Variants in ATP8B3 observed in about 807,000 individuals in gnomAD.
ATP8B3 encodes phospholipid-transporting ATPase IK.
ATP8B3 carries 141 observed loss-of-function variants against 140.9 expected under a neutral mutation model. The observed-to-expected ratio is 1.00, with a 90% confidence interval of 0.87 to 1.15. The LOEUF (loss-of-function observed/expected upper bound fraction) is 1.15. Among genes scored for constraint, ATP8B3 ranks in the 50% most tolerant of loss-of-function variants. ATP8B3 has a pLI of 0.00. For synonymous variants in ATP8B3, 765 were observed against 714.6 expected, an observed-to-expected ratio of 1.07 and a Z score of -1.13; for missense variants, 1,874 against 1,740.6, an observed-to-expected ratio of 1.08 and a Z score of -1.36.
At chr19:1,801,005 T>G (rs529672491) in intron 12 of ATP8B3, among the ~76,000 whole-genome samples, 69 of 151,276 alleles carry the variant, frequency 4.6e-4, no homozygotes, top group Non-Finnish European at 9.1e-4. Flanking sequence ...ATTTTTTGTA[T>G]TTTTAGTAGA....
Position 1,800,473 on chromosome 19 carries a change from G to T in ATP8B3, c.1153-24C>A. On this transcript the variant is annotated intron_variant, in intron 12 of 28. Transcript: ENST00000310127. The surrounding 1 kb of genome is among the most constrained non-coding windows in gnomAD (Gnocchi z 4.4). ...ATCTGGAAGGCAGACGCGACAGGGT[G>T]GGTGAGGGGGGCGGGGGTCCCCCAC... 2 of 1,580,794 alleles carry T rather than the reference G, an allele frequency of 1.3e-6. No individual in the cohort carries two copies. Among genetic ancestry groups the T allele is most frequent in the South Asian group, 1.1e-5 (1 of 90,418 alleles).
rs576450344 is a variant in ATP8B3 at position 1,806,227 on chromosome 19, G to A, written c.678-58C>T. On this transcript the variant is annotated intron_variant, in intron 7 of 28. Transcript: ENST00000310127. This position sits in a 1 kb window ranked among gnomAD's most constrained non-coding sequence, Gnocchi z 5.6. Reference sequence around the variant, plus strand: ...TCCCTCTGCCAACCCTCCCCACACCGGGAGACCAGAGGCACGGGATGACGG... The same window carrying A: ...TCCCTCTGCCAACCCTCCCCACACCAGGAGACCAGAGGCACGGGATGACGG... 5.9e-4 allele frequency: 918 copies of A among 1,547,300 alleles called. No individual in the cohort carries two copies. Among genetic ancestry groups the A allele is most frequent in the African/African-American group, 1.9e-3 (141 of 73,028 alleles).
Position 1,789,942 on chromosome 19 carries a change from C to T in ATP8B3, c.2426G>A (p.Arg809Lys). Residue 809 changes from arginine (R) to lysine (K), a missense_variant, in exon 22 of 29, where the codon AGG (arginine) becomes AAG (lysine). Around this residue, in one of 3 missense-constraint regions of ATP8B3, gnomAD observed 840 missense variants for 760.9 expected, o/e 1.10. Transcript: ENST00000310127. The part of the protein sequence containing the change: ...YWENSNNLLT[R>K]ESLSQVKLAL... ...CAGCTTGACCTGCGACAGGGACTCC[C>T]TGGTTAGAAGGTTGTTACTGTTTTC... 2 of 1,612,202 alleles carry T rather than the reference C, an allele frequency of 1.2e-6. No homozygotes were observed. Among genetic ancestry groups the T allele is most frequent in the African/African-American group, 1.3e-5 (1 of 74,984 alleles).
At chr19:1,795,317 C>T (rs573991075) in intron 18 of ATP8B3, among the ~76,000 whole-genome samples, 3 of 151,440 alleles carry the variant, frequency 2.0e-5, no homozygotes, top group East Asian at 3.9e-4. Flanking sequence ...TTTGGGAGGC[C>T]AAGGGGGCAG....
At chr19:1,810,736 C>T in intron 2 of ATP8B3, 53 bp from the exon 3 acceptor site, 1 of 1,549,886 alleles carries the variant, frequency 6.5e-7, no homozygotes, top group Non-Finnish European at 8.8e-7. Flanking sequence ...CCTTGCTGGG[C>T]ACCACTCGGT....
Position 1,806,296 on chromosome 19 carries a change from C to T in ATP8B3, c.678-127G>A. 1 of 1,490,854 alleles carries T rather than the reference C, an allele frequency of 6.7e-7. No homozygotes were observed. Among genetic ancestry groups the T allele is most frequent in the South Asian group, 1.3e-5 (1 of 76,062 alleles). 92.4% of individuals were successfully genotyped at this position (1,490,854 alleles called of 1,614,324 possible). The stretch of plus-strand genomic sequence containing the variant: ...CCCCACCTCCGGGCCTTTGCCCCCT[C>T]AGGAAGCCTTCCCCGGGCTCCCACC... On this transcript the variant is annotated intron_variant, in intron 7 of 28. Transcript: ENST00000310127. This position sits in a 1 kb window ranked among gnomAD's most constrained non-coding sequence, Gnocchi z 5.6.
chr19:1,811,384 C>T, intron 2 of ATP8B3, 105 bp downstream of exon 2: 1 of 1,462,996 alleles, frequency 6.8e-7, no homozygotes, highest in Non-Finnish European at 9.1e-7. Context: ...GGCAAACCAC[C>T]CCTAGACGCC....
rs2068969133 is a variant in ATP8B3 at position 1,805,072 on chromosome 19, C to G, written c.904+302G>C. ...TCACTGCAGCCTCAGCCTCCCTGAG[C>G]TCAAGCGAGCCTCCCACCTCAGCCT... On this transcript the variant is annotated intron_variant, in intron 10 of 28. Transcript: ENST00000310127. This position sits in a 1 kb window ranked among gnomAD's most constrained non-coding sequence, Gnocchi z 5.2. 2.4e-6 allele frequency: 1 copy of G among 409,086 alleles called. No individual in the cohort carries two copies. Among genetic ancestry groups the G allele is most frequent in the Non-Finnish European group, 4.6e-6 (1 of 215,494 alleles). 25.3% of individuals were successfully genotyped at this position (409,086 alleles called of 1,614,324 possible).
At chr19:1,788,359 G>C (rs2068372522) in intron 24 of ATP8B3, among the ~76,000 whole-genome samples, 1 of 152,092 alleles carries the variant, frequency 6.6e-6, no homozygotes, top group Non-Finnish European at 1.5e-5. Context: ...TTGCTTGAAA[G>C]CTCTGAGTGT....
At chr19:1,793,474 C>T in intron 18 of ATP8B3, among the ~76,000 whole-genome samples, 1 of 152,298 alleles carries the variant, frequency 6.6e-6, no homozygotes, top group African/African-American at 2.4e-5. Context: ...CCAGCTGGGG[C>T]TCCCCCAGTC....
intron 28 of ATP8B3, 26 bp from the exon 29 acceptor site, chr19:1,783,296 G>T (rs1568612326): frequency 1.3e-6 from 2 of 1,598,376 alleles, no homozygotes; most frequent in Non-Finnish European, 8.5e-7. Context: ...GAGAGCAGGG[G>T]AAGCAGACTC....
intron 24 of ATP8B3, among the ~76,000 whole-genome samples, chr19:1,787,458 G>A (rs1433367177): frequency 2.0e-5 from 3 of 152,176 alleles, no homozygotes; most frequent in Non-Finnish European, 4.4e-5. Context: ...GCTGGGCACG[G>A]TGGCTCACGC....
In ATP8B3 at chr19:1,796,751, G is replaced by C. The variant is rs559791460; in HGVS notation, c.1713C>G (p.Cys571Trp). ...GGCTCTCCCGCACCATCACCGTGTG[G>C]CAGATGGCCAGCAGGCGCCAGAACT... ...VREFWRLLAI[C>W]HTVMVRESPR... Residue 571 changes from cysteine (C) to tryptophan (W), a missense_variant, in exon 16 of 29, where the codon TGC becomes TGG. Physicochemically the swap from Cys to Trp is radical, Grantham distance 215. Around this residue, in one of 3 missense-constraint regions of ATP8B3, gnomAD observed 1,032 missense variants for 963.6 expected, o/e 1.07. Transcript: ENST00000310127. 13 of 1,612,110 alleles carry C rather than the reference G, an allele frequency of 8.1e-6. No homozygotes were observed. The highest frequency in any genetic ancestry group is 1.7e-4 in the Middle Eastern group (1 of 6,052).
rs1034061433 is a variant in ATP8B3, at chr19:1,791,796, G to T, written c.2256C>A (p.Leu752=). 2 of 1,611,802 alleles carry T rather than the reference G, an allele frequency of 1.2e-6. No individual in the cohort carries two copies. The highest frequency in any genetic ancestry group is 2.7e-5 in the African/African-American group (2 of 74,912). ...CCCATATTTTGATGTTGCTCTTCTT[G>T]AGACATTTGATGGTTTCAGGGACAC... ...QDGVPETIKC[L]KKSNIKIWVL... Residue 752 remains leucine, a synonymous_variant, in exon 20 of 29, where the codon CTC becomes CTA. Transcript: ENST00000310127.
At chr19:1,793,562 C>T (rs2068580447) in intron 18 of ATP8B3, among the ~76,000 whole-genome samples, 1 of 152,188 alleles carries the variant, frequency 6.6e-6, no homozygotes, top group African/African-American at 2.4e-5. Flanking sequence ...AAGGGCCAGA[C>T]CCAGGGTTGG....
At position 1,800,537 on chromosome 19, in the gene ATP8B3, G is replaced by C; in HGVS notation, c.1153-88C>G. 8.0e-7 allele frequency: 1 copy of C among 1,251,400 alleles called. No individual in the cohort carries two copies. 77.5% of individuals were successfully genotyped at this position (1,251,400 alleles called of 1,614,324 possible). A position where few individuals can be genotyped will look rare whatever the true frequency, so the allele number is the denominator to read the frequency against. On this transcript the variant is annotated intron_variant, in intron 12 of 28. Coordinates refer to ENST00000310127, the MANE Select transcript of ATP8B3 (RefSeq NM_138813.4). This position sits in a 1 kb window ranked among gnomAD's most constrained non-coding sequence, Gnocchi z 4.4. Reference sequence around the variant, plus strand: ...TGGGGTAAACACAAAGATAAGGCTGGGGCTGGGCACAGTGGCTCATGCCTG... The same window carrying C: ...TGGGGTAAACACAAAGATAAGGCTGCGGCTGGGCACAGTGGCTCATGCCTG...
intron 18 of ATP8B3, among the ~76,000 whole-genome samples, chr19:1,792,399 G>A (rs1194486325): frequency 2.0e-5 from 3 of 151,364 alleles, no homozygotes; most frequent in African/African-American, 7.3e-5. Flanking sequence ...GGCCAACATG[G>A]TGAAACCCTG....
chr19:1,811,962 C>A (rs1206246702), intron 1 of ATP8B3, 78 bp from the exon 2 acceptor site: 15 of 567,124 alleles, frequency 2.6e-5, no homozygotes, highest in African/African-American at 3.8e-5. Context: ...TACTCGGAAG[C>A]CCCCCACCCC....
At chr19:1,799,592 C>T in intron 14 of ATP8B3, 1 of 487,562 alleles carries the variant, frequency 2.1e-6, no homozygotes, top group Non-Finnish European at 3.6e-6. Flanking sequence ...ATGGTGAAAC[C>T]CCATCTCTGC....
Sources: allele counts gnomAD v4.1 joint callset (sites outside exome capture counted in the v4.1 genomes callset), GRCh38; gene constraint gnomAD v4.1.1; regional missense constraint gnomAD v4.1.1; non-coding constraint Gnocchi (gnomAD v3.1); transcripts MANE v1.5; gene names NCBI Gene and HGNC (gene_info 2026-07-23, HGNC 2026-07-21).